Variants in NAB1 observed in about 807,000 individuals in gnomAD.
The protein encoded by NAB1 is NGFI-A-binding protein 1.
Under a neutral mutation model 49.9 loss-of-function variants are expected in NAB1, and 25 were observed. That is an observed-to-expected ratio of 0.50 (90% confidence interval 0.37 to 0.70). The LOEUF is 0.70. Among genes scored for constraint, NAB1 ranks in the 30% least tolerant of loss-of-function variants. NAB1 has a pLI of 0.00. For synonymous variants in NAB1, 198 were observed against 215.6 expected, an observed-to-expected ratio of 0.92 and a Z score of 0.71; for missense variants, 489 against 575.9, an observed-to-expected ratio of 0.85 and a Z score of 1.54.
chr2:190,679,411 T>A lies in NAB1; in HGVS notation c.1006-4327T>A, dbSNP rs926646754. On this transcript the variant is annotated intron_variant, in intron 6 of 9. Transcript: ENST00000337386. This position sits in a 1 kb window ranked among gnomAD's most constrained non-coding sequence, Gnocchi z 5.3. ...CTGATTACTTTGGATAATTGTTATTTATTACTTATTTTAGGCTTTTATTTA... is the reference window on the plus strand; with the variant it reads ...CTGATTACTTTGGATAATTGTTATTAATTACTTATTTTAGGCTTTTATTTA... Among the ~76,000 whole-genome samples the A allele has an allele frequency of 6.6e-6, 1 of 152,242 alleles. No homozygotes were observed. Among genetic ancestry groups the A allele is most frequent in the Non-Finnish European group, 1.5e-5 (1 of 68,044 alleles).
rs1005347082 is a variant in NAB1, at chr2:190,654,087, C to A, written c.-196-1890C>A. On this transcript the variant is annotated intron_variant, in intron 2 of 9. Coordinates refer to ENST00000337386, the MANE Select transcript of NAB1 (RefSeq NM_005966.4). This position sits in a 1 kb window ranked among gnomAD's most constrained non-coding sequence, Gnocchi z 5.6. ...GACATTGGGTTTCATTGCACAGCAA[C>A]CTTTCCAGAGATGTTATTCATCATT... Among the ~76,000 whole-genome samples the A allele has an allele frequency of 6.6e-5, 10 of 152,168 alleles. No individual in the cohort carries two copies. Among genetic ancestry groups the A allele is most frequent in the African/African-American group, 2.4e-4 (10 of 41,432 alleles).
rs1694745651 is a variant in NAB1 at position 190,670,454 on chromosome 2, C to G, written c.948C>G (p.Thr316=). ...TCACCTATAAATATACTTACAGAACCACCAAGTAAGTATTTAACTAATCGT... is the reference window on the plus strand; with the variant it reads ...TCACCTATAAATATACTTACAGAACGACCAAGTAAGTATTTAACTAATCGT... ...REVTYKYTYR[T]TKSKCGERDE... Residue 316 remains threonine (T), a synonymous_variant, in exon 5 of 10, where the codon ACC becomes ACG. Transcript: ENST00000337386. The surrounding 1 kb of genome is among the most constrained non-coding windows in gnomAD (Gnocchi z 5.3). 1.2e-6 allele frequency: 2 copies of G among 1,613,286 alleles called. No homozygotes were observed. The highest frequency in any genetic ancestry group is 1.7e-6 in the Non-Finnish European group (2 of 1,179,666).
chr2:190,670,570 A>C lies in NAB1; in HGVS notation c.953+111A>C. On this transcript the variant is annotated intron_variant, in intron 5 of 9. Transcript: ENST00000337386. The surrounding 1 kb of genome is among the most constrained non-coding windows in gnomAD (Gnocchi z 5.3). ...TTTCTGAAAAAGTGGAAGTATGATT[A>C]TTGTTCTATGAAACTAAACAATGCA... The C allele has an allele frequency of 8.2e-7, 1 of 1,224,336 alleles. No homozygotes were observed. Among genetic ancestry groups the C allele is most frequent in the South Asian group, 1.5e-5 (1 of 67,230 alleles). 75.8% of individuals were successfully genotyped at this position (1,224,336 alleles called of 1,614,324 possible).
rs1694695872 is a variant in NAB1, at chr2:190,669,551, A to G, written c.820-775A>G. Among the ~76,000 whole-genome samples the G allele has an allele frequency of 1.3e-5, 2 of 152,334 alleles. No homozygotes were observed. Among genetic ancestry groups the G allele is most frequent in the South Asian group, 4.1e-4 (2 of 4,832 alleles). ...TCCCATTTTCTTTTTGCTAATCATCATGCCTTGGCTAAGTACATCTTTTGC... is the reference window on the plus strand; with the variant it reads ...TCCCATTTTCTTTTTGCTAATCATCGTGCCTTGGCTAAGTACATCTTTTGC... On this transcript the variant is annotated intron_variant, in intron 4 of 9. Transcript: ENST00000337386. The surrounding 1 kb of genome is among the most constrained non-coding windows in gnomAD (Gnocchi z 4.3).
chr2:190,687,507 A>T (rs917039485), intron 9 of NAB1, among the ~76,000 whole-genome samples, 190 bp downstream of exon 9: 2 of 152,096 alleles, frequency 1.3e-5, no homozygotes, highest in South Asian at 2.1e-4. Context: ...TGAGTGTCAG[A>T]ATGACACTCA....
At chr2:190,656,935 T>TA (rs1380915475) in intron 3 of NAB1, among the ~76,000 whole-genome samples, 1 of 152,128 alleles carries the variant, frequency 6.6e-6, no homozygotes, top group African/African-American at 2.4e-5. Context: ...GTCCTCTTAT[T>TA]AAAAAAAGAT....
chr2:190,672,624 A>G (rs570655681), intron 5 of NAB1, among the ~76,000 whole-genome samples: 1 of 152,252 alleles, frequency 6.6e-6, no homozygotes, highest in South Asian at 2.1e-4. Context: ...TTCCTACTGA[A>G]CCATAAAGGG....
chr2:190,677,672 A>G lies in NAB1; in HGVS notation c.1005+4520A>G, dbSNP rs1414845011. ...AGACATTTGGAATTCATTATCACAA[A>G]CATTCTTGTCTAACCTATGTGGAGG... On this transcript the variant is annotated intron_variant, in intron 6 of 9. Coordinates refer to ENST00000337386, the MANE Select transcript of NAB1 (RefSeq NM_005966.4). This position sits in a 1 kb window ranked among gnomAD's most constrained non-coding sequence, Gnocchi z 5.6. Among the ~76,000 whole-genome samples the G allele has an allele frequency of 2.6e-5, 4 of 152,178 alleles. No homozygotes were observed. Among genetic ancestry groups the G allele is most frequent in the African/African-American group, 9.7e-5 (4 of 41,430 alleles).
rs765882286 is a variant in NAB1, at chr2:190,685,484, A to G, written c.1104A>G (p.Glu368=). The G allele has an allele frequency of 1.2e-6, 2 of 1,607,772 alleles. No homozygotes were observed. The highest frequency in any genetic ancestry group is 1.7e-6 in the Non-Finnish European group (2 of 1,178,056). ...TTTGCTTTACTTACTAGCAGCCTGA[A>G]AAGGTGATGGCAAAGCAGATGGAGT... The part of the protein sequence containing the change: ...ELAALSSQQP[E]KVMAKQMEFL... The change falls in exon 8 of 10, where the codon GAA becomes GAG. Residue 368 remains glutamate, a synonymous_variant. Coordinates refer to ENST00000337386, the MANE Select transcript of NAB1 (RefSeq NM_005966.4). The surrounding 1 kb of genome is among the most constrained non-coding windows in gnomAD (Gnocchi z 4.5).
In NAB1 at chr2:190,664,586, C is replaced by CTTTTTTTTTTTTT. The variant is rs71027237; in HGVS notation, c.819+4607_819+4619dup. On this transcript the variant is annotated intron_variant, in intron 4 of 9. Coordinates refer to ENST00000337386, the MANE Select transcript of NAB1 (RefSeq NM_005966.4). ...TCTTCCTCTCTTTCTTTCTTCTTTC[C>CTTTTTTTTTTTTT]TTTTTTTTTTTTTTTTTTTTTTTTT... Among the ~76,000 whole-genome samples, 15 of 61,154 alleles carry CTTTTTTTTTTTTT rather than the reference C, an allele frequency of 2.5e-4. 2 individuals are homozygous for CTTTTTTTTTTTTT. The highest frequency in any genetic ancestry group is 2.6e-4 in the African/African-American group (4 of 15,256). The allele number at this position is 61,154 out of a possible 152,430, so 40.1% of individuals were successfully genotyped here.
In NAB1 at chr2:190,674,600, T is replaced by C. The variant is rs1694982304; in HGVS notation, c.1005+1448T>C. Among the ~76,000 whole-genome samples the C allele has an allele frequency of 6.6e-6, 1 of 152,230 alleles. No individual in the cohort carries two copies. The highest frequency in any genetic ancestry group is 2.1e-4 in the South Asian group (1 of 4,826). On this transcript the variant is annotated intron_variant, in intron 6 of 9. Coordinates refer to ENST00000337386, the MANE Select transcript of NAB1 (RefSeq NM_005966.4). The surrounding 1 kb of genome is among the most constrained non-coding windows in gnomAD (Gnocchi z 5.7). ...AATCTGCTGCTGTATACTTAGAGTT[T>C]GTAACAGCCTTGCACCTAATAGGCA...
At position 190,667,863 on chromosome 2, in the gene NAB1, T is replaced by C. The variant is rs1185093460; in HGVS notation, c.820-2463T>C. ...AGAGTAGGAAGAGATTTTCTTTGCCTGTCACCCAAGGCATAGAAACTGTAT... is the reference window on the plus strand; with the variant it reads ...AGAGTAGGAAGAGATTTTCTTTGCCCGTCACCCAAGGCATAGAAACTGTAT... On this transcript the variant is annotated intron_variant, in intron 4 of 9. Transcript: ENST00000337386. This position sits in a 1 kb window ranked among gnomAD's most constrained non-coding sequence, Gnocchi z 4.4. 6.6e-6 allele frequency among the ~76,000 whole-genome samples: 1 copy of C among 152,104 alleles called. No individual in the cohort carries two copies. Among genetic ancestry groups the C allele is most frequent in the Non-Finnish European group, 1.5e-5 (1 of 67,984 alleles).
At chr2:190,658,805 C>T (rs1283293274) in intron 3 of NAB1, among the ~76,000 whole-genome samples, 2 of 152,208 alleles carry the variant, frequency 1.3e-5, no homozygotes, top group African/African-American at 2.4e-5. Context: ...CTTCTTACCT[C>T]CTGCTAAATT....
chr2:190,649,331 C>G lies in NAB1; in HGVS notation c.-363C>G, dbSNP rs897537762. The G allele has an allele frequency of 6.6e-6, 1 of 152,166 alleles. No individual in the cohort carries two copies. The highest frequency in any genetic ancestry group is 2.4e-5 in the African/African-American group (1 of 41,432). The allele number at this position is 152,166 out of a possible 1,614,324, so 9.4% of individuals were successfully genotyped here. ...GGGGCTGAGCAGTCCTCGGGGAGAG[C>G]GCGCCAAGACCGCTGCAGCCGCTGG... On this transcript the variant is annotated 5_prime_UTR_variant, in exon 1 of 10. Coordinates refer to ENST00000337386, the MANE Select transcript of NAB1 (RefSeq NM_005966.4). This position sits in a 1 kb window ranked among gnomAD's most constrained non-coding sequence, Gnocchi z 6.1.
rs376850910 is a variant in NAB1 at position 190,655,216 on chromosome 2, A to G, written c.-196-761A>G. On this transcript the variant is annotated intron_variant, in intron 2 of 9. Transcript: ENST00000337386. ...GTTTTACTGAATAACAGAAGTGTCT[A>G]TTTACCTTCATTTGCAAAGTAGACG... is the stretch of plus-strand genomic sequence containing the variant. Among the ~76,000 whole-genome samples, 112 of 152,326 alleles carry G rather than the reference A, an allele frequency of 7.4e-4. 2 individuals carry two copies. The South Asian group carries it at 0.021, about 29-fold the overall frequency.
At position 190,669,041 on chromosome 2, in the gene NAB1, T is replaced by C. The variant is rs11900804; in HGVS notation, c.820-1285T>C. The stretch of plus-strand genomic sequence containing the variant: ...TTGAGTCAAATAAGGGTAACTGGAA[T>C]ATGAGCACTGAGATATCAGAAGAGT... On this transcript the variant is annotated intron_variant, in intron 4 of 9. Transcript: ENST00000337386. This position sits in a 1 kb window ranked among gnomAD's most constrained non-coding sequence, Gnocchi z 4.3. 0.52 allele frequency among the ~76,000 whole-genome samples: 79,405 copies of C among 152,042 alleles called. 22,028 individuals carry two copies. The highest frequency in any genetic ancestry group is 0.73 in the East Asian group (3,783 of 5,176).
chr2:190,657,288 T>C lies in NAB1; in HGVS notation c.-20+1135T>C, dbSNP rs976022758. 1.3e-5 allele frequency among the ~76,000 whole-genome samples: 2 copies of C among 152,158 alleles called. No homozygotes were observed. The highest frequency in any genetic ancestry group is 2.9e-5 in the Non-Finnish European group (2 of 68,038). On this transcript the variant is annotated intron_variant, in intron 3 of 9. Coordinates refer to ENST00000337386, the MANE Select transcript of NAB1 (RefSeq NM_005966.4). The surrounding 1 kb of genome is among the most constrained non-coding windows in gnomAD (Gnocchi z 4.4). ...GACAGGCAGAGCCTCCTTTAGGTGATTTAGAAGATGCAAGAACGTTTTTAT... is the reference window on the plus strand; with the variant it reads ...GACAGGCAGAGCCTCCTTTAGGTGACTTAGAAGATGCAAGAACGTTTTTAT...
In NAB1 at chr2:190,670,514, C is replaced by A; in HGVS notation, c.953+55C>A. ...TGCATTGCTTGAGAGAAGTAGAGTT[C>A]GAAACATCATCTATTGATAGAATAT... On this transcript the variant is annotated intron_variant, in intron 5 of 9. Coordinates refer to ENST00000337386, the MANE Select transcript of NAB1 (RefSeq NM_005966.4). This position sits in a 1 kb window ranked among gnomAD's most constrained non-coding sequence, Gnocchi z 5.3. 2 of 1,548,408 alleles carry A rather than the reference C, an allele frequency of 1.3e-6. No homozygotes were observed. Among genetic ancestry groups the A allele is most frequent in the South Asian group, 2.3e-5 (2 of 87,360 alleles).
chr2:190,660,291 CTGTT>C (rs1386344902), intron 4 of NAB1, among the ~76,000 whole-genome samples: 4 of 152,108 alleles, frequency 2.6e-5, no homozygotes, highest in Non-Finnish European at 4.4e-5. Context: ...ATTTGTAAGG[CTGTT>C]TGTTTTTTAA....
Sources: gnomAD v4.1 joint callset for allele counts (sites outside exome capture counted in the v4.1 genomes callset) on GRCh38, gnomAD v4.1.1 for gene constraint, Gnocchi (gnomAD v3.1) non-coding constraint, MANE v1.5 for transcripts, NCBI Gene and HGNC (gene_info 2026-07-23, HGNC 2026-07-21) for gene names.